AGBL4: variants seen among roughly 807,000 people sequenced by gnomAD.
The protein encoded by AGBL4 is AGBL carboxypeptidase 4.
A neutral mutation model predicts 66.4 loss-of-function variants in AGBL4; 58 were observed. The observed-to-expected ratio is 0.87, with a 90% CI of 0.71 to 1.09. The LOEUF (loss-of-function observed/expected upper bound fraction) is 1.09. AGBL4 is among the 50% of genes least tolerant of loss of function. The pLI is 0.00. For missense variants in AGBL4, 579 were observed against 631.0 expected (o/e 0.92, Z 0.88); for synonymous variants, 234 against 222.9 (o/e 1.05, Z -0.44).
At chr1:49,645,514 T>G (rs1439950980) in intron 3 of AGBL4, among the ~76,000 whole-genome samples, 1 of 151,522 alleles carries the variant, frequency 6.6e-6, no homozygotes, top group Non-Finnish European at 1.5e-5. Flanking sequence ...ATAACCTGAA[T>G]AGTTTTATAT....
chr1:49,148,036 T>G (rs1314204044), intron 4 of AGBL4, among the ~76,000 whole-genome samples: 2 of 152,214 alleles, frequency 1.3e-5, no homozygotes, highest in Non-Finnish European at 1.5e-5. Context: ...CACATGGGCT[T>G]GGCTTTGCAA....
At chr1:48,587,497 G>A (rs1181619907) in intron 10 of AGBL4, among the ~76,000 whole-genome samples, 1 of 151,782 alleles carries the variant, frequency 6.6e-6, no homozygotes, top group Non-Finnish European at 1.5e-5. Flanking sequence ...GCATGGTGGT[G>A]TGCACCTGTA....
At chr1:49,406,836 T>C (rs984224680) in intron 3 of AGBL4, among the ~76,000 whole-genome samples, 4 of 151,544 alleles carry the variant, frequency 2.6e-5, no homozygotes, top group Non-Finnish European at 5.9e-5. Flanking sequence ...GAGGCCGAGG[T>C]GGGCGGATCA....
intron 3 of AGBL4, among the ~76,000 whole-genome samples, chr1:49,428,607 C>T (rs1645717376): frequency 6.6e-6 from 1 of 152,184 alleles, no homozygotes; most frequent in African/African-American, 2.4e-5. Context: ...CCATCCAGAT[C>T]CTTCTCAATT....
At chr1:48,989,977 T>C (rs1401498442) in intron 5 of AGBL4, among the ~76,000 whole-genome samples, 2 of 152,202 alleles carry the variant, frequency 1.3e-5, no homozygotes, top group African/African-American at 4.8e-5. Context: ...ATAGTGGTTG[T>C]AGTAATTTAC....
intron 6 of AGBL4, among the ~76,000 whole-genome samples, chr1:48,734,568 C>G (rs1648710569): frequency 6.6e-6 from 1 of 152,200 alleles, no homozygotes; most frequent in African/African-American, 2.4e-5. Context: ...ACCTCCCTGA[C>G]CTCACTCTTC....
intron 6 of AGBL4, among the ~76,000 whole-genome samples, chr1:48,789,139 T>G (rs1248009984): frequency 1.3e-5 from 2 of 152,116 alleles, no homozygotes; most frequent in Non-Finnish European, 2.9e-5. Flanking sequence ...TCAAACCTGG[T>G]ATGAAGTCCA....
At chr1:49,621,400 G>A (rs1471351019) in intron 3 of AGBL4, among the ~76,000 whole-genome samples, 1 of 152,074 alleles carries the variant, frequency 6.6e-6, no homozygotes, top group Non-Finnish European at 1.5e-5. Context: ...CAAAGGCAGA[G>A]GAGAACAAAG....
At chr1:49,280,637 G>A (rs933764185) in intron 3 of AGBL4, among the ~76,000 whole-genome samples, 19 of 152,186 alleles carry the variant, frequency 1.2e-4, no homozygotes, top group Non-Finnish European at 2.4e-4. Context: ...CCAGAGCAAC[G>A]AATTAAGGAG....
intron 6 of AGBL4, among the ~76,000 whole-genome samples, chr1:48,853,478 G>C (rs1374912338): frequency 1.3e-5 from 2 of 152,134 alleles, no homozygotes; most frequent in African/African-American, 4.8e-5. Flanking sequence ...AAATCTATGG[G>C]TCATGTACTT....
At chr1:48,559,137 G>T (rs1356346615) in intron 11 of AGBL4, among the ~76,000 whole-genome samples, 4 of 152,086 alleles carry the variant, frequency 2.6e-5, no homozygotes, top group Non-Finnish European at 5.9e-5. Context: ...AAGTCCCTGG[G>T]AATCAGTTTT....
intron 6 of AGBL4, among the ~76,000 whole-genome samples, chr1:48,866,979 A>T (rs1213810699): frequency 2.6e-5 from 4 of 152,152 alleles, no homozygotes. Flanking sequence ...TGCCACCCAT[A>T]GTCAAGAGGA....
chr1:49,144,894 G>A (rs1646187405), intron 4 of AGBL4, among the ~76,000 whole-genome samples: 1 of 152,100 alleles, frequency 6.6e-6, no homozygotes, highest in African/African-American at 2.4e-5. Flanking sequence ...AAGGCAATGG[G>A]GTTGGTGGTG....
At chr1:49,579,709 C>G (rs1374001498) in intron 3 of AGBL4, among the ~76,000 whole-genome samples, 1 of 152,132 alleles carries the variant, frequency 6.6e-6, no homozygotes, top group East Asian at 1.9e-4. Context: ...CCGTGTTGGC[C>G]AGGATGGTCT....
At chr1:49,881,649 A>G (rs1257334338) in intron 1 of AGBL4, among the ~76,000 whole-genome samples, 1 of 150,332 alleles carries the variant, frequency 6.7e-6, no homozygotes, top group Admixed American at 6.6e-5. Context: ...GATGATGAGC[A>G]TTTTTTCATG....
chr1:48,575,816 C>G (rs971401197), intron 11 of AGBL4, among the ~76,000 whole-genome samples: 1 of 152,224 alleles, frequency 6.6e-6, no homozygotes, highest in Non-Finnish European at 1.5e-5. Context: ...CACTCTCCTG[C>G]CCATCTCCTC....
intron 4 of AGBL4, among the ~76,000 whole-genome samples, chr1:49,215,011 T>C (rs1421589830): frequency 2.6e-5 from 4 of 152,132 alleles, no homozygotes. Context: ...ACAGTTGTGA[T>C]AGAAACTTGA....
At chr1:48,997,711 C>A (rs145416767) in intron 5 of AGBL4, among the ~76,000 whole-genome samples, 84 of 152,242 alleles carry the variant, frequency 5.5e-4, no homozygotes, top group Middle Eastern at 3.4e-3. Context: ...AAATTTCTTA[C>A]CCATAATATG....
chr1:49,235,324 T>A (rs1302370650), intron 4 of AGBL4, among the ~76,000 whole-genome samples: 1 of 152,222 alleles, frequency 6.6e-6, no homozygotes, highest in African/African-American at 2.4e-5. Flanking sequence ...TAAGATTAAC[T>A]AATGGTAGCT....
Sources: allele counts gnomAD v4.1 joint callset (sites outside exome capture counted in the v4.1 genomes callset), GRCh38; gene constraint gnomAD v4.1.1; transcripts MANE v1.5; gene names NCBI Gene and HGNC (gene_info 2026-07-23, HGNC 2026-07-21).